Variants in SDF4 observed in about 807,000 individuals in gnomAD.
SDF4 encodes stromal cell derived factor 4.
In SDF4, 22 loss-of-function variants were observed where a neutral mutation model predicts 34.2. The ratio of observed to expected loss-of-function variants is 0.64; its 90% CI spans 0.46 to 0.92. The LOEUF (loss-of-function observed/expected upper bound fraction) is 0.92, where lower values mean the gene tolerates loss of function less well. Ranked by LOEUF, SDF4 falls within the 40% of genes least tolerant of loss-of-function variation. The pLI is 0.00. For synonymous variants in SDF4, 236 were observed against 203.1 expected, an observed-to-expected ratio of 1.16 and a Z score of -1.38; for missense variants, 447 against 499.9, an observed-to-expected ratio of 0.89 and a Z score of 1.01.
chr1:1,223,995 C>T (rs1317097366), intron 2 of SDF4, 27 bp from the exon 3 acceptor site: 11 of 1,606,324 alleles, frequency 6.8e-6, no homozygotes, highest in Non-Finnish European at 8.5e-6. Flanking sequence ...GGGCAGGTGG[C>T]CGTCAGACTG....
intron 2 of SDF4, among the ~76,000 whole-genome samples, chr1:1,224,870 A>C (rs570764552): frequency 6.6e-6 from 1 of 152,338 alleles, no homozygotes; most frequent in Non-Finnish European, 1.5e-5. Flanking sequence ...CTGTGATCAC[A>C]CCACTGCACT....
In SDF4 at chr1:1,224,147, C is replaced by T. The variant is rs150500677; in HGVS notation, c.306-179G>A. 4.1e-3 allele frequency among the ~76,000 whole-genome samples: 625 copies of T among 152,310 alleles called. 2 individuals carry two copies. Among genetic ancestry groups the T allele is most frequent in the Non-Finnish European group, 5.8e-3 (392 of 68,034 alleles). On this transcript the variant is annotated intron_variant, in intron 2 of 6. Coordinates refer to ENST00000360001, the MANE Select transcript of SDF4 (RefSeq NM_016176.6). ...GTGGGGCTTGTGGGGTGCCGGGCCA[C>T]GCCAGAGACACTGGGGAAGGTGGAT...
chr1:1,225,727 G>A (rs1164191404), intron 2 of SDF4, among the ~76,000 whole-genome samples: 1 of 119,432 alleles, frequency 8.4e-6, no homozygotes, highest in Non-Finnish European at 1.8e-5. Flanking sequence ...ACACGCCACA[G>A]ACACGGGCCA....
intron 2 of SDF4, among the ~76,000 whole-genome samples, chr1:1,225,928 G>A (rs910353421): frequency 6.6e-6 from 1 of 152,222 alleles, no homozygotes; most frequent in Non-Finnish European, 1.5e-5. Flanking sequence ...GCTGCAGGGC[G>A]GTGCACGTAC....
rs1031705807 is a variant in SDF4 at position 1,218,397 on chromosome 1, G to A, written c.891+61C>T. 1.0e-5 allele frequency: 16 copies of A among 1,548,086 alleles called. No individual in the cohort carries two copies. Among genetic ancestry groups the A allele is most frequent in the Admixed American group, 1.8e-5 (1 of 56,784 alleles). On this transcript the variant is annotated intron_variant, in intron 6 of 6. Transcript: ENST00000360001. This position sits in a 1 kb window ranked among gnomAD's most constrained non-coding sequence, Gnocchi z 7.9. ...TCCTGCCTCAGGCCCAGATCCACCA[G>A]CCCCTCCCGCCACAGCACCTCGCAG...
intron 2 of SDF4, among the ~76,000 whole-genome samples, chr1:1,224,237 G>A (rs1638222676): frequency 6.6e-6 from 1 of 152,058 alleles, no homozygotes. Flanking sequence ...ATCACCACCA[G>A]ACCCCACTCT....
chr1:1,227,977 C>T (rs529650616), intron 2 of SDF4, among the ~76,000 whole-genome samples: 10 of 152,318 alleles, frequency 6.6e-5, no homozygotes, highest in East Asian at 5.8e-4. Flanking sequence ...GCGTGTGATA[C>T]GCGGCCCGTG....
rs1267960694 is a variant in SDF4 at position 1,218,894 on chromosome 1, C to T, written c.590G>A (p.Trp197Ter). 2 of 1,599,866 alleles carry T rather than the reference C, an allele frequency of 1.3e-6. No homozygotes were observed. The highest frequency in any genetic ancestry group is 3.4e-5 in the Admixed American group (2 of 59,174). ...TGCAGGGGGGCTGTCCGCCTGGTAC[C>T]AGCGGTCCTTCAGGTTCTCCAGGAC... Reference protein sequence around the residue: ...QEVLENLKDRWYQADSPPADL... With the variant: ...QEVLENLKDR Residue 197 changes from tryptophan to a stop codon, truncating the protein, a stop_gained, in exon 5 of 7, where the codon TGG (tryptophan) becomes TAG (stop). Transcript: ENST00000360001. LOFTEE classifies it high-confidence loss of function. The surrounding 1 kb of genome is among the most constrained non-coding windows in gnomAD (Gnocchi z 7.9).
Position 1,219,225 on chromosome 1 carries a change from C to G in SDF4, c.557-298G>C, listed in dbSNP as rs1246575331. ...TGGACCCCCCCCTGCCCCAGACCCC[C>G]AATACATGGATGGCCCTGACTCCCC... On this transcript the variant is annotated intron_variant, in intron 4 of 6. Transcript: ENST00000360001. 4.0e-6 allele frequency: 5 copies of G among 1,237,128 alleles called. No individual in the cohort carries two copies. The African/African-American group carries it at 6.5e-5, about 16-fold the overall frequency. 76.6% of individuals were successfully genotyped at this position (1,237,128 alleles called of 1,614,324 possible). A position where few individuals can be genotyped will look rare whatever the true frequency, so the allele number is the denominator to read the frequency against.
rs1649640467 is a variant in SDF4 at position 1,218,063 on chromosome 1, G to A, written c.892-375C>T. Among the ~76,000 whole-genome samples the A allele has an allele frequency of 6.6e-6, 1 of 152,230 alleles. No homozygotes were observed. Among genetic ancestry groups the A allele is most frequent in the Admixed American group, 6.5e-5 (1 of 15,292 alleles). ...GCCTACACATGATACCAGTGAAAAC[G>A]CTTCAGAGGAAGGTGGTAAATTCCA... On this transcript the variant is annotated intron_variant, in intron 6 of 6. Transcript: ENST00000360001. This position sits in a 1 kb window ranked among gnomAD's most constrained non-coding sequence, Gnocchi z 7.9.
At position 1,228,723 on chromosome 1, in the gene SDF4, C is replaced by G. The variant is rs561933409; in HGVS notation, c.50G>C (p.Trp17Ser). 1 of 1,612,814 alleles carries G rather than the reference C, an allele frequency of 6.2e-7. No individual in the cohort carries two copies. ...CATCAGAAGGACTGCCCCCAGGAGCCAGAGGCAGCACGGAGCCAGGCCAAT... is the reference window on the plus strand; with the variant it reads ...CATCAGAAGGACTGCCCCCAGGAGCGAGAGGCAGCACGGAGCCAGGCCAAT... The part of the protein sequence containing the change: ...PLIGLAPCCL[W>S]LLGAVLLMDA... Residue 17 changes from tryptophan (W) to serine (S), a missense_variant, in exon 2 of 7, where the codon TGG becomes TCG. Coordinates refer to ENST00000360001, the MANE Select transcript of SDF4 (RefSeq NM_016176.6).
At chr1:1,221,573 G>C (rs1649964168) in intron 4 of SDF4, among the ~76,000 whole-genome samples, 1 of 152,108 alleles carries the variant, frequency 6.6e-6, no homozygotes, top group Non-Finnish European at 1.5e-5. Context: ...GGATGTGGAG[G>C]CTACAGGTGA....
At position 1,217,522 on chromosome 1, in the gene SDF4, T is replaced by C. The variant is rs755331443; in HGVS notation, c.1058A>G (p.Glu353Gly). Reference sequence around the variant, plus strand: ...GGCGCGGCCGGGCGCTCAAAACTCCTCGTGCACGCTGCGCGCGTAGTCCAC... The same window carrying C: ...GGCGCGGCCGGGCGCTCAAAACTCCCCGTGCACGCTGCGCGCGTAGTCCAC... ...KLVDYARSVH[E>G]EF is the part of the protein sequence containing the mutation. Residue 353 changes from glutamate (E) to glycine (G), a missense_variant, in exon 7 of 7, where the codon GAG becomes GGG. Coordinates refer to ENST00000360001, the MANE Select transcript of SDF4 (RefSeq NM_016176.6). This position sits in a 1 kb window ranked among gnomAD's most constrained non-coding sequence, Gnocchi z 8.5. 3 of 1,604,244 alleles carry C rather than the reference T, an allele frequency of 1.9e-6. No individual in the cohort carries two copies. The highest frequency in any genetic ancestry group is 2.6e-6 in the Non-Finnish European group (3 of 1,174,928).
intron 2 of SDF4, among the ~76,000 whole-genome samples, chr1:1,226,960 T>G (rs1401335686): frequency 6.6e-6 from 1 of 151,992 alleles, no homozygotes; most frequent in African/African-American, 2.4e-5. Flanking sequence ...TCTTCGTGGG[T>G]TGGTCAGCTC....
rs548284512 is a variant in SDF4 at position 1,218,446 on chromosome 1, G to A, written c.891+12C>T. The A allele has an allele frequency of 1.8e-5, 29 of 1,607,856 alleles. No individual in the cohort carries two copies. The highest frequency in any genetic ancestry group is 9.9e-5 in the South Asian group (9 of 91,002). On this transcript the variant is annotated intron_variant, in intron 6 of 6. Coordinates refer to ENST00000360001, the MANE Select transcript of SDF4 (RefSeq NM_016176.6). The surrounding 1 kb of genome is among the most constrained non-coding windows in gnomAD (Gnocchi z 7.9). ...AGGGCCGGCTCCGGGACACGGCTGC[G>A]CCAGGGCTCACCTCCAGCTCCTCGG...
chr1:1,230,451 G>C (rs951568850), intron 1 of SDF4, among the ~76,000 whole-genome samples: 2 of 151,454 alleles, frequency 1.3e-5, no homozygotes, highest in African/African-American at 4.9e-5. Context: ...TGGGTGAGGG[G>C]CTCATGTCTG....
Position 1,217,817 on chromosome 1 carries a change from C to G in SDF4, c.892-129G>C, listed in dbSNP as rs755758689. On this transcript the variant is annotated intron_variant, in intron 6 of 6. Transcript: ENST00000360001. This position sits in a 1 kb window ranked among gnomAD's most constrained non-coding sequence, Gnocchi z 8.5. The stretch of plus-strand genomic sequence containing the variant: ...GTGTGGGCACGTTCTGGAAGGTTCC[C>G]GAAGGGAGGCGGCACAAATGAAAAC... 1 of 1,552,304 alleles carries G rather than the reference C, an allele frequency of 6.4e-7. No individual in the cohort carries two copies. Among genetic ancestry groups the G allele is most frequent in the African/African-American group, 1.4e-5 (1 of 73,606 alleles).
chr1:1,220,908 C>A (rs1408398153), intron 4 of SDF4: 7 of 456,698 alleles, frequency 1.5e-5, no homozygotes, highest in Non-Finnish European at 2.8e-5. Context: ...GGTGGAGGCA[C>A]GAACCGTGTG....
intron 4 of SDF4, chr1:1,220,612 G>A: frequency 7.8e-7 from 1 of 1,289,084 alleles, no homozygotes; most frequent in South Asian, 1.2e-5. Context: ...CAGCACCTCA[G>A]CATGCATGGG....
Sources: gnomAD v4.1 joint callset for allele counts (sites outside exome capture counted in the v4.1 genomes callset) on GRCh38, gnomAD v4.1.1 for gene constraint, Gnocchi (gnomAD v3.1) non-coding constraint, MANE v1.5 for transcripts, NCBI Gene and HGNC (gene_info 2026-07-23, HGNC 2026-07-21) for gene names.